Variants in POU3F3 observed in about 807,000 individuals in gnomAD.
POU3F3 encodes the protein POU domain, class 3, transcription factor 3.
Under a neutral mutation model 8.6 loss-of-function variants are expected in POU3F3, and 1 was observed. That is an observed-to-expected ratio of 0.12 (90% CI 0.04 to 0.55). The LOEUF is 0.55. Among genes scored for constraint, POU3F3 ranks in the 20% least tolerant of loss-of-function variants. The probability of loss-of-function intolerance (pLI) is 0.91; values close to 1 mark genes in which losing one functional copy is unlikely to be tolerated. For missense variants in POU3F3, 577 were observed against 690.7 expected (o/e 0.84, Z 1.84); for synonymous variants, 418 against 327.4 (o/e 1.28, Z -2.99).
chr2:104,925,956 T>G, the POU3F3 span: 1 of 152,208 alleles, frequency 6.6e-6, no homozygotes, highest in Non-Finnish European at 1.5e-5. Context: ...TTCTTACAGT[T>G]CTGGAGATTT....
At chr2:104,888,900 T>G in the POU3F3 span, among the ~76,000 whole-genome samples, 1 of 152,220 alleles carries the variant, frequency 6.6e-6, no homozygotes, top group East Asian at 1.9e-4. Context: ...AAACCCTTTT[T>G]GCATCCATAC....
rs759751110 is a variant in POU3F3, at chr2:104,857,000, C to G, written c.1490C>G (p.Thr497Arg). The G allele has an allele frequency of 1.9e-6, 3 of 1,602,070 alleles. No individual in the cohort carries two copies. Among genetic ancestry groups the G allele is most frequent in the Non-Finnish European group, 1.7e-6 (2 of 1,175,716 alleles). The change falls in exon 1 of 1, where the codon ACG becomes AGG. Residue 497 changes from threonine (T) to arginine (R), a missense_variant. Physicochemically the swap from Thr to Arg is moderately conservative, Grantham distance 71 (BLOSUM62 -1). This residue lies in a region of POU3F3 where 35 missense variants were observed against 50.3 expected (regional missense o/e 0.70). Coordinates refer to ENST00000361360, the MANE Select transcript of POU3F3 (RefSeq NM_006236.3). Reference protein sequence around the residue: ...DTPPPHHGLQTSVQ With the variant: ...DTPPPHHGLQRSVQ The stretch of plus-strand genomic sequence containing the variant: ...CCGCCGCCTCACCACGGGCTGCAGA[C>G]GAGCGTTCAGTGAAGCCAGGGCGCA...
At chr2:104,927,387 AG>A in the POU3F3 span, among the ~76,000 whole-genome samples, 1 of 152,074 alleles carries the variant, frequency 6.6e-6, no homozygotes, top group Non-Finnish European at 1.5e-5. Flanking sequence ...GAAAAGGGAA[AG>A]GGGGTAGAAA....
chr2:104,917,584 G>A, the POU3F3 span, among the ~76,000 whole-genome samples: 2 of 152,182 alleles, frequency 1.3e-5, no homozygotes, highest in African/African-American at 4.8e-5. Context: ...GGAAGAGGAA[G>A]TGGGCACAGT....
At chr2:104,872,059 AACACACACACACAGACACAC>A in the POU3F3 span, among the ~76,000 whole-genome samples, 3 of 150,942 alleles carry the variant, frequency 2.0e-5, no homozygotes, top group Non-Finnish European at 4.4e-5. The surrounding 1 kb of genome is among the most constrained non-coding windows in gnomAD (Gnocchi z 4.6). Context: ...CCCACCCCCG[AACACACACACACAGACACAC>A]ACACACACAC....
chr2:104,890,696 C>T, the POU3F3 span, among the ~76,000 whole-genome samples: 14 of 152,282 alleles, frequency 9.2e-5, no homozygotes, highest in Admixed American at 2.0e-4. Context: ...ACCTGCTGGG[C>T]CTTAGCAGGC....
chr2:104,856,116 C>A lies in POU3F3; in HGVS notation c.606C>A (p.Ala202=). ...AAAAAAAAAA[A]AAHLPSMAGG... ...CAGCCGCAGCCGCCGCCGCCGCCGC[C>A]GCCGCGCACCTCCCGTCCATGGCCG... Residue 202 remains alanine, a synonymous_variant, in exon 1 of 1, where the codon GCC becomes GCA. Coordinates refer to ENST00000361360, the MANE Select transcript of POU3F3 (RefSeq NM_006236.3). 8.8e-7 allele frequency: 1 copy of A among 1,138,558 alleles called. No individual in the cohort carries two copies. The highest frequency in any genetic ancestry group is 1.1e-6 in the Non-Finnish European group (1 of 932,688). 70.5% of individuals were successfully genotyped at this position (1,138,558 alleles called of 1,614,324 possible). A position where few individuals can be genotyped will look rare whatever the true frequency, so the allele number is the denominator to read the frequency against.
downstream of POU3F3, among the ~76,000 whole-genome samples, chr2:104,860,848 C>T (rs1298903291): frequency 7.7e-6 from 1 of 129,348 alleles, no homozygotes; most frequent in Non-Finnish European, 1.5e-5. Context: ...TAGCGATTCC[C>T]TTTGCTGCCC....
the POU3F3 span, among the ~76,000 whole-genome samples, chr2:104,919,097 C>G: frequency 2.6e-5 from 4 of 152,126 alleles, no homozygotes; most frequent in Non-Finnish European, 5.9e-5. Context: ...TCTTGAACTC[C>G]TGACCTCAGG....
rs1359136921 is a variant in POU3F3 at position 104,857,105 on chromosome 2, C to CGCCGCCGCCGCT, written c.*104_*115dup. The CGCCGCCGCCGCT allele has an allele frequency of 1.4e-5, 14 of 979,080 alleles. No individual in the cohort carries two copies. Among genetic ancestry groups the CGCCGCCGCCGCT allele is most frequent in the Middle Eastern group, 5.2e-4 (1 of 1,920 alleles). The allele number at this position is 979,080 out of a possible 1,614,324, so 60.6% of individuals were successfully genotyped here. ...CCGCCCCTGCCGCCGCCGCCGCCGCCGCCGCCGCCGCTGCCGCCGCCGCGC... is the reference window on the plus strand; with the variant it reads ...CCGCCCCTGCCGCCGCCGCCGCCGCCGCCGCCGCCGCTGCCGCCGCCGCTGCCGCCGCCGCGC... On this transcript the variant is annotated 3_prime_UTR_variant, in exon 1 of 1. Transcript: ENST00000361360.
In POU3F3 at chr2:104,856,314, C is replaced by T. The variant is rs1433375285; in HGVS notation, c.804C>T (p.Ala268=). 1 of 1,505,984 alleles carries T rather than the reference C, an allele frequency of 6.6e-7. No homozygotes were observed. Among genetic ancestry groups the T allele is most frequent in the Non-Finnish European group, 8.8e-7 (1 of 1,133,670 alleles). 93.3% of individuals were successfully genotyped at this position (1,505,984 alleles called of 1,614,324 possible). The part of the protein sequence containing the change: ...GLVRGDTPEL[A]EHHHHHHHHA... ...TGCGCGGGGACACGCCAGAGCTGGC[C>T]GAGCACCACCACCACCACCACCACC... Residue 268 remains alanine, a synonymous_variant, in exon 1 of 1, where the codon GCC becomes GCT. Transcript: ENST00000361360.
chr2:104,868,572 C>A, the POU3F3 span, among the ~76,000 whole-genome samples: 2 of 152,174 alleles, frequency 1.3e-5, no homozygotes, highest in South Asian at 2.1e-4. Context: ...CAAAGTTGGT[C>A]CAAGCCCTCA....
the POU3F3 span, among the ~76,000 whole-genome samples, chr2:104,864,374 G>A: frequency 6.6e-6 from 1 of 152,180 alleles, no homozygotes; most frequent in African/African-American, 2.4e-5. Context: ...GCAAACATGA[G>A]AACTTTAGAG....
chr2:104,892,461 TTATG>T, the POU3F3 span, among the ~76,000 whole-genome samples: 1 of 151,994 alleles, frequency 6.6e-6, no homozygotes, highest in Non-Finnish European at 1.5e-5. Context: ...ATTTATTTAC[TTATG>T]TATGTATTTA....
the POU3F3 span, among the ~76,000 whole-genome samples, chr2:104,915,678 C>A: frequency 6.6e-6 from 1 of 151,738 alleles, no homozygotes; most frequent in Non-Finnish European, 1.5e-5. Context: ...TCCCCCAAAT[C>A]CCTCAAGCCA....
the POU3F3 span, chr2:104,867,603 C>T: frequency 6.5e-6 from 1 of 152,816 alleles, no homozygotes; most frequent in African/African-American, 2.4e-5. The surrounding 1 kb of genome is among the most constrained non-coding windows in gnomAD (Gnocchi z 5.0). Flanking sequence ...GGTGCCCGCG[C>T]CTGGGCCCGC....
chr2:104,873,991 T>G, the POU3F3 span, among the ~76,000 whole-genome samples: 18 of 152,126 alleles, frequency 1.2e-4, no homozygotes, highest in Non-Finnish European at 2.5e-4. Flanking sequence ...TGATGGAAAG[T>G]CCGAAGAGGC....
the POU3F3 span, among the ~76,000 whole-genome samples, chr2:104,886,735 C>A: frequency 6.6e-6 from 1 of 152,022 alleles, no homozygotes; most frequent in African/African-American, 2.4e-5. Context: ...TGGTGAAACC[C>A]CATTTCTACT....
the POU3F3 span, among the ~76,000 whole-genome samples, chr2:104,893,126 A>G: frequency 6.6e-6 from 1 of 152,244 alleles, no homozygotes; most frequent in African/African-American, 2.4e-5. Context: ...GTGCACGAAC[A>G]TAAAGTTAGA....
Sources: gnomAD v4.1 joint callset for allele counts (sites outside exome capture counted in the v4.1 genomes callset) on GRCh38, gnomAD v4.1.1 for gene constraint, gnomAD v4.1.1 regional missense constraint, Gnocchi (gnomAD v3.1) non-coding constraint, MANE v1.5 for transcripts, NCBI Gene and HGNC (gene_info 2026-07-23, HGNC 2026-07-21) for gene names.